Variants in CDH2 observed in about 807,000 individuals in gnomAD.
CDH2 encodes the protein cadherin 2, also known as cadherin-2.
In CDH2, 17 loss-of-function variants were observed where a neutral mutation model predicts 92.0. The ratio of observed to expected loss-of-function variants is 0.18; its 90% CI spans 0.13 to 0.28. The LOEUF (loss-of-function observed/expected upper bound fraction) is 0.28. CDH2 is among the 10% of genes least tolerant of loss of function. CDH2 has a pLI of 1.00. For missense variants in CDH2, 862 were observed against 1,133.1 expected, an observed-to-expected ratio of 0.76 and a Z score of 3.44; for synonymous variants, 419 against 415.9, an observed-to-expected ratio of 1.01 and a Z score of -0.09.
At chr18:28,161,746 C>T (rs1180653124) in intron 1 of CDH2, among the ~76,000 whole-genome samples, 1 of 152,030 alleles carries the variant, frequency 6.6e-6, no homozygotes, top group Non-Finnish European at 1.5e-5. Context: ...ACAGTCAATC[C>T]AAAATTTGGG....
chr18:28,033,841 G>A (rs1391817893), intron 2 of CDH2, among the ~76,000 whole-genome samples: 2 of 152,000 alleles, frequency 1.3e-5, no homozygotes, highest in African/African-American at 2.4e-5. Flanking sequence ...CAGTACAGAA[G>A]TAACCTCACT....
At chr18:28,084,359 C>T (rs1001765920) in intron 2 of CDH2, among the ~76,000 whole-genome samples, 13 of 152,132 alleles carry the variant, frequency 8.5e-5, no homozygotes, top group African/African-American at 3.1e-4. Context: ...TGAGAATATA[C>T]AACAGTACAA....
chr18:28,121,211 T>C (rs1396940583), intron 2 of CDH2, among the ~76,000 whole-genome samples: 1 of 152,100 alleles, frequency 6.6e-6, no homozygotes, highest in Non-Finnish European at 1.5e-5. Flanking sequence ...AACTAAATTG[T>C]CCAAGAGATC....
intron 1 of CDH2, among the ~76,000 whole-genome samples, chr18:28,167,987 C>A (rs1263910270): frequency 6.6e-6 from 1 of 151,996 alleles, no homozygotes; most frequent in African/African-American, 2.4e-5. Flanking sequence ...TCTGTGTTAA[C>A]CAATTAAGAC....
chr18:28,059,211 C>T (rs1475831913), intron 2 of CDH2, among the ~76,000 whole-genome samples: 1 of 152,150 alleles, frequency 6.6e-6, no homozygotes, highest in Non-Finnish European at 1.5e-5. Context: ...AATGCATGAA[C>T]ATGATGACAC....
At chr18:28,082,858 C>G (rs1157224502) in intron 2 of CDH2, among the ~76,000 whole-genome samples, 2 of 152,162 alleles carry the variant, frequency 1.3e-5, no homozygotes, top group African/African-American at 2.4e-5. Flanking sequence ...AAAAGTATTT[C>G]AGCACTGGTG....
In CDH2 at chr18:28,174,056, GACTA is replaced by G. The variant is rs377370577; in HGVS notation, c.60+2903_60+2906del. ...AGAATTATGTAAATCTACATAACAA[GACTA>G]ACTAAACTAGTAATTTCTCTAAGTA... On this transcript the variant is annotated intron_variant, in intron 1 of 15. Transcript: ENST00000269141. 4.2e-3 allele frequency among the ~76,000 whole-genome samples: 637 copies of G among 152,044 alleles called. 4 individuals are homozygous for G. Among genetic ancestry groups the G allele is most frequent in the African/African-American group, 0.015 (605 of 41,476 alleles).
chr18:28,169,410 A>G (rs1598524076), intron 1 of CDH2, among the ~76,000 whole-genome samples: 1 of 151,226 alleles, frequency 6.6e-6, no homozygotes, highest in Admixed American at 6.6e-5. Context: ...ATGAAGGGAG[A>G]AAAGAGTCAT....
intron 2 of CDH2, among the ~76,000 whole-genome samples, chr18:28,014,240 T>G (rs2144039434): frequency 6.6e-6 from 1 of 152,144 alleles, no homozygotes; most frequent in South Asian, 2.1e-4. Flanking sequence ...AAACTTCCAC[T>G]CACTCTTCAG....
intron 2 of CDH2, among the ~76,000 whole-genome samples, chr18:28,034,681 A>T (rs1010575545): frequency 2.0e-5 from 3 of 151,252 alleles, no homozygotes; most frequent in African/African-American, 7.4e-5. Flanking sequence ...CAACAACCAC[A>T]ATAAAAAAAA....
chr18:27,961,751 A>C (rs2011410717), intron 15 of CDH2, among the ~76,000 whole-genome samples: 1 of 152,132 alleles, frequency 6.6e-6, no homozygotes, highest in Non-Finnish European at 1.5e-5. Flanking sequence ...GACAGGCAGA[A>C]ATATTTAGTA....
In CDH2 at chr18:27,985,781, A is replaced by G. The variant is rs1377471119; in HGVS notation, c.1742-20T>C. 5 of 1,399,902 alleles carry G rather than the reference A, an allele frequency of 3.6e-6. No homozygotes were observed. The highest frequency in any genetic ancestry group is 5.0e-6 in the Non-Finnish European group (5 of 993,586). The allele number at this position is 1,399,902 out of a possible 1,614,324, so 86.7% of individuals were successfully genotyped here. On this transcript the variant is annotated intron_variant, in intron 11 of 15. Coordinates refer to ENST00000269141, the MANE Select transcript of CDH2 (RefSeq NM_001792.5). ...GAATTCCTGAAAAGAGAGAAAAATC[A>G]CAAATGATGCTGAACAGTTCTCTCC...
intron 2 of CDH2, among the ~76,000 whole-genome samples, chr18:28,044,380 A>G (rs1472802920): frequency 4.6e-5 from 7 of 152,162 alleles, no homozygotes; most frequent in African/African-American, 1.7e-4. Flanking sequence ...CTTCCAGTAA[A>G]CAATTCCTTT....
chr18:28,096,148 T>C (rs1458462335), intron 2 of CDH2, among the ~76,000 whole-genome samples: 2 of 152,152 alleles, frequency 1.3e-5, no homozygotes, highest in Non-Finnish European at 2.9e-5. Context: ...TAAAAGTACA[T>C]ATTACAGACT....
intron 2 of CDH2, among the ~76,000 whole-genome samples, chr18:28,109,149 G>A (rs527412394): frequency 4.6e-5 from 7 of 152,262 alleles, no homozygotes; most frequent in African/African-American, 9.6e-5. Flanking sequence ...TAAGAAATAA[G>A]AGAGAATATT....
chr18:28,035,736 A>G (rs931780276), intron 2 of CDH2, among the ~76,000 whole-genome samples: 2 of 152,112 alleles, frequency 1.3e-5, no homozygotes, highest in African/African-American at 2.4e-5. Context: ...TTTTCATTGT[A>G]TAAAGTTCTT....
chr18:28,164,395 G>C (rs185186506), intron 1 of CDH2, among the ~76,000 whole-genome samples: 18 of 152,232 alleles, frequency 1.2e-4, no homozygotes, highest in Admixed American at 1.0e-3. Flanking sequence ...GTGGTACATA[G>C]TAATTACTAA....
intron 2 of CDH2, among the ~76,000 whole-genome samples, chr18:28,100,359 A>AG (rs2015207503): frequency 6.6e-6 from 1 of 152,206 alleles, no homozygotes. Flanking sequence ...CTCGAACATC[A>AG]GCTTTTTTCT....
At chr18:28,041,718 C>T (rs1239430026) in intron 2 of CDH2, among the ~76,000 whole-genome samples, 1 of 152,120 alleles carries the variant, frequency 6.6e-6, no homozygotes, top group East Asian at 1.9e-4. Context: ...GTTTTTATAC[C>T]TATTCCTGAA....
Sources: allele counts gnomAD v4.1 joint callset (sites outside exome capture counted in the v4.1 genomes callset), GRCh38; gene constraint gnomAD v4.1.1; transcripts MANE v1.5; gene names NCBI Gene and HGNC (gene_info 2026-07-23, HGNC 2026-07-21).